ADCY5: variants seen among roughly 807,000 people sequenced by gnomAD.
The protein encoded by ADCY5 is adenylate cyclase type 5.
A neutral mutation model predicts 119.7 loss-of-function variants in ADCY5; 30 were observed. The observed-to-expected ratio is 0.25, with a 90% confidence interval of 0.19 to 0.34. The LOEUF is 0.34. ADCY5 is among the 10% of genes least tolerant of loss of function. The pLI is 1.00. For missense variants in ADCY5, 1,324 were observed against 1,775.2 expected (o/e 0.75, Z 4.57); for synonymous variants, 753 against 762.2 (o/e 0.99, Z 0.20).
chr3:123,372,064 T>G (rs930123384), intron 1 of ADCY5, among the ~76,000 whole-genome samples: 2 of 152,226 alleles, frequency 1.3e-5, no homozygotes, highest in African/African-American at 4.8e-5. Context: ...CTGGTGTTCC[T>G]CTGCACTTGC....
chr3:123,289,429 C>T (rs113906672), intron 19 of ADCY5, among the ~76,000 whole-genome samples: 2,631 of 152,378 alleles, frequency 0.017, 40 homozygotes, highest in Non-Finnish European at 0.024. Flanking sequence ...CAAAGCCCTT[C>T]GAGCAGGCAC....
In ADCY5 at chr3:123,283,364, C is replaced by T. The variant is rs908563006; in HGVS notation, c.*1244G>A. Reference sequence around the variant, plus strand: ...GTGTGGAGGGCACCACACTGCCTGTCGCAGGATGAGATTGCTTCCCTTGGT... The same window carrying T: ...GTGTGGAGGGCACCACACTGCCTGTTGCAGGATGAGATTGCTTCCCTTGGT... On this transcript the variant is annotated 3_prime_UTR_variant, in exon 21 of 21. Coordinates refer to ENST00000462833, the MANE Select transcript of ADCY5 (RefSeq NM_183357.3). 34 of 152,224 alleles carry T rather than the reference C, an allele frequency of 2.2e-4. No individual in the cohort carries two copies. The highest frequency in any genetic ancestry group is 6.8e-4 in the African/African-American group (28 of 41,458). The allele number at this position is 152,224 out of a possible 1,614,324, so 9.4% of individuals were successfully genotyped here. A position where few individuals can be genotyped will look rare whatever the true frequency, so the allele number is the denominator to read the frequency against.
At chr3:123,434,536 C>T (rs1359034895) in intron 1 of ADCY5, among the ~76,000 whole-genome samples, 1 of 152,200 alleles carries the variant, frequency 6.6e-6, no homozygotes, top group African/African-American at 2.4e-5. Context: ...GTCAGAGTTG[C>T]CATGAGAAGC....
chr3:123,329,451 C>T (rs1386348817), intron 5 of ADCY5, among the ~76,000 whole-genome samples: 1 of 152,178 alleles, frequency 6.6e-6, no homozygotes, highest in Non-Finnish European at 1.5e-5. Context: ...AGGGCAGGCC[C>T]TCCGTATGCA....
intron 3 of ADCY5, among the ~76,000 whole-genome samples, chr3:123,336,094 A>G: frequency 6.6e-6 from 1 of 152,210 alleles, no homozygotes; most frequent in East Asian, 1.9e-4. Flanking sequence ...TGGATTCTCC[A>G]TAAGCTCTCA....
chr3:123,353,479 A>G (rs1942921584), intron 1 of ADCY5, among the ~76,000 whole-genome samples: 1 of 152,180 alleles, frequency 6.6e-6, no homozygotes. Flanking sequence ...ACTTGGGGCC[A>G]CATGGAACAG....
At chr3:123,392,401 T>C (rs968813819) in intron 1 of ADCY5, among the ~76,000 whole-genome samples, 1 of 152,108 alleles carries the variant, frequency 6.6e-6, no homozygotes, top group African/African-American at 2.4e-5. Flanking sequence ...CAAACCTGCC[T>C]GGGGTTCAGA....
At chr3:123,303,887 AG>A (rs764453208) in intron 13 of ADCY5, among the ~76,000 whole-genome samples, 179 bp downstream of exon 13, 6,319 of 92,580 alleles carry the variant, frequency 0.068, 174 homozygotes, top group East Asian at 0.16. Flanking sequence ...AGAAGAGAAG[AG>A]AAGAGAAGAA....
intron 1 of ADCY5, among the ~76,000 whole-genome samples, chr3:123,359,331 A>T (rs997851370): frequency 4.6e-5 from 5 of 109,760 alleles, no homozygotes; most frequent in East Asian, 2.2e-4. Context: ...CTTATACTAA[A>T]ATATATATAT....
chr3:123,336,451 C>G (rs1942029240), intron 3 of ADCY5, among the ~76,000 whole-genome samples: 2 of 152,378 alleles, frequency 1.3e-5, no homozygotes, highest in South Asian at 4.1e-4. Context: ...AGCTGGCAGG[C>G]AGCACGACCA....
At chr3:123,414,564 C>CA (rs1945140600) in intron 1 of ADCY5, among the ~76,000 whole-genome samples, 2 of 149,058 alleles carry the variant, frequency 1.3e-5, no homozygotes. Context: ...TATGGCTTAC[C>CA]TTTTTTTTTT....
intron 1 of ADCY5, among the ~76,000 whole-genome samples, chr3:123,427,536 T>C (rs1945439293): frequency 6.6e-6 from 1 of 152,132 alleles, no homozygotes; most frequent in Non-Finnish European, 1.5e-5. Context: ...GAAATCCCTA[T>C]TCATCCTCTA....
At chr3:123,419,260 CA>C in intron 1 of ADCY5, 1 of 977,668 alleles carries the variant, frequency 1.0e-6, no homozygotes, top group Non-Finnish European at 1.2e-6. Context: ...CACGCGCCCC[CA>C]CAGGCCAGGG....
intron 17 of ADCY5, among the ~76,000 whole-genome samples, chr3:123,292,353 A>G (rs1048912388): frequency 3.9e-5 from 6 of 152,144 alleles, no homozygotes; most frequent in Admixed American, 3.3e-4. Flanking sequence ...TGGGTCCAGC[A>G]CGGAGGAAGA....
At chr3:123,408,764 G>A (rs1373409641) in intron 1 of ADCY5, among the ~76,000 whole-genome samples, 2 of 151,914 alleles carry the variant, frequency 1.3e-5, no homozygotes, top group Admixed American at 6.6e-5. Context: ...TCACCTGAGG[G>A]TAGGAATTCA....
intron 12 of ADCY5, among the ~76,000 whole-genome samples, chr3:123,310,799 G>T (rs1940526258): frequency 6.6e-6 from 1 of 152,146 alleles, no homozygotes; most frequent in African/African-American, 2.4e-5. Context: ...GCTCAGGAGT[G>T]AAACCAGGAC....
intron 7 of ADCY5, 24 bp downstream of exon 7, chr3:123,327,593 GC>G (rs754444201): frequency 1.3e-5 from 21 of 1,605,880 alleles, no homozygotes; most frequent in Non-Finnish European, 1.6e-5. Flanking sequence ...GAGCCCCTCA[GC>G]CCCCCGGCCC....
At chr3:123,422,403 C>T (rs1242969473) in intron 1 of ADCY5, among the ~76,000 whole-genome samples, 1 of 152,170 alleles carries the variant, frequency 6.6e-6, no homozygotes, top group Non-Finnish European at 1.5e-5. Flanking sequence ...GATTAGTAAA[C>T]AAATTCTCAC....
chr3:123,285,985 C>CAGTT (rs1270751923), intron 20 of ADCY5, among the ~76,000 whole-genome samples: 1 of 152,194 alleles, frequency 6.6e-6, no homozygotes, highest in African/African-American at 2.4e-5. Context: ...AAAAGCAGCA[C>CAGTT]AGTTAGCACC....
Sources: gnomAD v4.1 joint callset for allele counts (sites outside exome capture counted in the v4.1 genomes callset) on GRCh38, gnomAD v4.1.1 for gene constraint, MANE v1.5 for transcripts, NCBI Gene and HGNC (gene_info 2026-07-23, HGNC 2026-07-21) for gene names.